The following CCBE1 variants were observed in gnomAD, a reference collection of about 807,000 sequenced individuals.
CCBE1 encodes collagen and calcium binding EGF domains 1, also known as collagen and calcium-binding EGF domain-containing protein 1.
CCBE1 carries 37 observed loss-of-function variants against 50.0 expected under a neutral mutation model. The ratio of observed to expected loss-of-function variants is 0.74; its 90% CI spans 0.57 to 0.97. The LOEUF is 0.97. CCBE1 is among the 50% of genes least tolerant of loss of function. The pLI is 0.00. For synonymous variants in CCBE1, 234 were observed against 203.7 expected, an observed-to-expected ratio of 1.15 and a Z score of -1.27; for missense variants, 538 against 523.8, an observed-to-expected ratio of 1.03 and a Z score of -0.26.
At chr18:59,457,922 C>G (rs1227588488) in intron 5 of CCBE1, among the ~76,000 whole-genome samples, 1 of 152,234 alleles carries the variant, frequency 6.6e-6, no homozygotes, top group African/African-American at 2.4e-5. Context: ...TTGTAAAGGG[C>G]TGACGCCTTA....
chr18:59,648,824 G>A (rs535408097), intron 2 of CCBE1, among the ~76,000 whole-genome samples: 237 of 152,320 alleles, frequency 1.6e-3, no homozygotes, highest in African/African-American at 5.5e-3. Context: ...TTTGAACAGG[G>A]CCCAACTGGC....
At chr18:59,678,235 A>G (rs978304502) in intron 2 of CCBE1, among the ~76,000 whole-genome samples, 1 of 152,346 alleles carries the variant, frequency 6.6e-6, no homozygotes, top group Non-Finnish European at 1.5e-5. Flanking sequence ...GCAAAAACCA[A>G]AAGAATAAGC....
At chr18:59,489,886 T>C (rs1598945999) in intron 2 of CCBE1, among the ~76,000 whole-genome samples, 2 of 150,972 alleles carry the variant, frequency 1.3e-5, no homozygotes, top group East Asian at 3.9e-4. Context: ...CACTAAAACA[T>C]AAGGAAAAAA....
At chr18:59,444,087 GAAT>G (rs1910566167) in intron 7 of CCBE1, among the ~76,000 whole-genome samples, 1 of 152,154 alleles carries the variant, frequency 6.6e-6, no homozygotes, top group African/African-American at 2.4e-5. Context: ...TTTAAAGGCT[GAAT>G]AATATTCCAT....
chr18:59,578,763 A>G (rs2053039743), intron 2 of CCBE1, among the ~76,000 whole-genome samples: 1 of 152,192 alleles, frequency 6.6e-6, no homozygotes, highest in African/African-American at 2.4e-5. Flanking sequence ...ACACATGGAC[A>G]CAAGGAGGGG....
At chr18:59,576,932 C>G (rs1318248658) in intron 2 of CCBE1, among the ~76,000 whole-genome samples, 1 of 152,208 alleles carries the variant, frequency 6.6e-6, no homozygotes. Flanking sequence ...CTCCCTAATC[C>G]CTTCTCTCTC....
chr18:59,543,857 A>AAAC (rs1915580166), intron 2 of CCBE1, among the ~76,000 whole-genome samples: 1 of 151,328 alleles, frequency 6.6e-6, no homozygotes, highest in South Asian at 2.1e-4. Flanking sequence ...AAAAAAAAAA[A>AAAC]ACAGAAAACA....
At chr18:59,473,694 CCCA>C (rs1912150325) in intron 3 of CCBE1, among the ~76,000 whole-genome samples, 1 of 137,846 alleles carries the variant, frequency 7.3e-6, no homozygotes, top group Non-Finnish European at 1.6e-5. Flanking sequence ...ATCCAACCCT[CCCA>C]CTACTCCCCC....
At chr18:59,487,207 T>G (rs992395253) in intron 2 of CCBE1, among the ~76,000 whole-genome samples, 1 of 150,578 alleles carries the variant, frequency 6.6e-6, no homozygotes, top group African/African-American at 2.5e-5. Flanking sequence ...AGAACCCAAT[T>G]TGCATAATTT....
chr18:59,489,843 C>T (rs1913007374), intron 2 of CCBE1, among the ~76,000 whole-genome samples: 1 of 151,920 alleles, frequency 6.6e-6, no homozygotes, highest in Admixed American at 6.6e-5. Context: ...TTGCTGGCTG[C>T]CTTTGCCTTA....
At chr18:59,584,408 A>G (rs2053144890) in intron 2 of CCBE1, among the ~76,000 whole-genome samples, 1 of 151,560 alleles carries the variant, frequency 6.6e-6, no homozygotes, top group African/African-American at 2.4e-5. Flanking sequence ...CTAAATGACG[A>G]GTTAATGGGT....
At chr18:59,439,279 T>C (rs1910302370) in intron 9 of CCBE1, among the ~76,000 whole-genome samples, 3 of 148,084 alleles carry the variant, frequency 2.0e-5, no homozygotes, top group Admixed American at 2.0e-4. Context: ...AGAGTGAGAC[T>C]CTGTCTCAAA....
intron 3 of CCBE1, among the ~76,000 whole-genome samples, chr18:59,476,547 G>C (rs1912315457): frequency 6.6e-6 from 1 of 152,210 alleles, no homozygotes; most frequent in African/African-American, 2.4e-5. Context: ...TAGTGCAAAA[G>C]AAGTCACACA....
chr18:59,560,134 C>T (rs1239197519), intron 2 of CCBE1, among the ~76,000 whole-genome samples: 1 of 152,202 alleles, frequency 6.6e-6, no homozygotes, highest in Non-Finnish European at 1.5e-5. Flanking sequence ...TTTCTGGTAG[C>T]CAGACTATAT....
chr18:59,538,981 C>G (rs1193115148), intron 2 of CCBE1, among the ~76,000 whole-genome samples: 1 of 151,840 alleles, frequency 6.6e-6, no homozygotes, highest in African/African-American at 2.4e-5. Flanking sequence ...AGTTTGAGAC[C>G]AGCCTGGGCA....
chr18:59,575,773 T>A lies in CCBE1; in HGVS notation c.213-95535A>T, dbSNP rs1006123330. On this transcript the variant is annotated intron_variant, in intron 2 of 10. Coordinates refer to ENST00000439986, the MANE Select transcript of CCBE1 (RefSeq NM_133459.4). Reference sequence around the variant, plus strand: ...TAATCATCTGGAAGACTGGTCATAATCCACATTGGCAGCTACAATTCTCAT... The same window carrying A: ...TAATCATCTGGAAGACTGGTCATAAACCACATTGGCAGCTACAATTCTCAT... Among the ~76,000 whole-genome samples the A allele has an allele frequency of 7.9e-5, 12 of 152,324 alleles. No individual in the cohort carries two copies. In the South Asian group the frequency reaches 2.1e-3, roughly 26 times the overall value.
chr18:59,518,018 G>A (rs1455369304), intron 2 of CCBE1, among the ~76,000 whole-genome samples: 1 of 152,182 alleles, frequency 6.6e-6, no homozygotes, highest in Non-Finnish European at 1.5e-5. Context: ...GAAGTTGGGG[G>A]CGGAGGAAAC....
At chr18:59,694,044 G>T (rs574110332) in intron 2 of CCBE1, among the ~76,000 whole-genome samples, 33 of 151,822 alleles carry the variant, frequency 2.2e-4, no homozygotes, top group African/African-American at 7.5e-4. Context: ...GCTAATTTTT[G>T]TATTTTTAGT....
chr18:59,633,673 C>T (rs1053928342), intron 2 of CCBE1, among the ~76,000 whole-genome samples: 8 of 151,664 alleles, frequency 5.3e-5, no homozygotes, highest in African/African-American at 1.9e-4. Context: ...GTCAAATAGC[C>T]AACAGAACGA....
Sources: gnomAD v4.1 joint callset for allele counts (sites outside exome capture counted in the v4.1 genomes callset) on GRCh38, gnomAD v4.1.1 for gene constraint, MANE v1.5 for transcripts, NCBI Gene and HGNC (gene_info 2026-07-23, HGNC 2026-07-21) for gene names.